RUNX1T1: variants seen among roughly 807,000 people sequenced by gnomAD.
RUNX1T1 encodes the protein RUNX1 partner transcriptional co-repressor 1.
Under a neutral mutation model 62.8 loss-of-function variants are expected in RUNX1T1, and 4 were observed. The ratio of observed to expected loss-of-function variants is 0.06; its 90% CI spans 0.03 to 0.15. RUNX1T1 has a LOEUF of 0.15. Ranked by LOEUF, RUNX1T1 falls within the 10% of genes least tolerant of loss-of-function variation. The pLI is 1.00. For synonymous variants in RUNX1T1, 291 were observed against 286.0 expected (o/e 1.02, Z -0.18); for missense variants, 508 against 754.3 (o/e 0.67, Z 3.82).
chr8:92,086,687 C>T (rs1836170801), intron 1 of RUNX1T1, among the ~76,000 whole-genome samples: 2 of 152,178 alleles, frequency 1.3e-5, no homozygotes, highest in South Asian at 2.1e-4. Flanking sequence ...AAACAAACAC[C>T]TGAAGTGAGT....
chr8:92,000,794 T>A (rs1298194024), intron 5 of RUNX1T1, among the ~76,000 whole-genome samples: 3 of 152,004 alleles, frequency 2.0e-5, no homozygotes, highest in African/African-American at 7.3e-5. Context: ...ATATAAAACC[T>A]CAGAATGTTA....
chr8:92,099,825 T>C (rs1837957126), upstream of RUNX1T1: 1 of 177,074 alleles, frequency 5.6e-6, no homozygotes, highest in South Asian at 1.9e-4. Context: ...GAAGCATTTC[T>C]TTCTTGTGAT....
At chr8:92,090,471 T>C (rs947015634) in intron 1 of RUNX1T1, among the ~76,000 whole-genome samples, 2 of 152,122 alleles carry the variant, frequency 1.3e-5, no homozygotes, top group Non-Finnish European at 2.9e-5. Flanking sequence ...TAAATCCTCA[T>C]GGCCTCAGTG....
chr8:92,020,441 A>G (rs1466197481), intron 1 of RUNX1T1, among the ~76,000 whole-genome samples: 1 of 152,200 alleles, frequency 6.6e-6, no homozygotes, highest in Non-Finnish European at 1.5e-5. Flanking sequence ...TTTTAAGTTC[A>G]TGGAAATTAT....
At chr8:92,051,606 T>G (rs1412106392) in intron 1 of RUNX1T1, among the ~76,000 whole-genome samples, 1 of 148,668 alleles carries the variant, frequency 6.7e-6, no homozygotes. Flanking sequence ...ACACACACTC[T>G]CTCTCTCTCT....
chr8:92,032,472 G>A (rs1826451550), intron 1 of RUNX1T1, among the ~76,000 whole-genome samples: 2 of 152,106 alleles, frequency 1.3e-5, no homozygotes, highest in African/African-American at 4.8e-5. Flanking sequence ...ACCATGATGA[G>A]CCAAGACCAA....
chr8:92,088,728 G>C (rs1016516065), intron 1 of RUNX1T1, among the ~76,000 whole-genome samples: 2 of 152,082 alleles, frequency 1.3e-5, no homozygotes, highest in Non-Finnish European at 2.9e-5. Flanking sequence ...CTCTCCTAGT[G>C]CTCTAATTAT....
intron 1 of RUNX1T1, among the ~76,000 whole-genome samples, chr8:92,078,353 T>G (rs1426629548): frequency 1.3e-5 from 2 of 152,158 alleles, no homozygotes; most frequent in African/African-American, 2.4e-5. Flanking sequence ...CAGGTATTTC[T>G]GAGACCTATT....
At chr8:92,099,225 A>G (rs1319634796) in intron 1 of RUNX1T1, among the ~76,000 whole-genome samples, 1 of 152,200 alleles carries the variant, frequency 6.6e-6, no homozygotes, top group Admixed American at 6.5e-5. Flanking sequence ...ATAGATTTTA[A>G]GTTGTTATTA....
upstream of RUNX1T1, chr8:92,063,090 G>T: frequency 2.4e-6 from 1 of 414,828 alleles, no homozygotes; most frequent in Non-Finnish European, 3.4e-6. Context: ...AGCCATAATT[G>T]GGAACTGTAT....
chr8:92,023,774 T>G (rs185013535), intron 1 of RUNX1T1, among the ~76,000 whole-genome samples: 7 of 152,332 alleles, frequency 4.6e-5, no homozygotes, highest in Admixed American at 3.9e-4. Context: ...TGCTGGAAAC[T>G]GCCATTCCCT....
chr8:91,978,485 C>T (rs538868211), intron 8 of RUNX1T1, among the ~76,000 whole-genome samples: 1 of 152,158 alleles, frequency 6.6e-6, no homozygotes, highest in Non-Finnish European at 1.5e-5. Flanking sequence ...TAAAGTTTAT[C>T]TTTTCTCTCA....
At chr8:91,977,698 T>C (rs565640821) in intron 8 of RUNX1T1, among the ~76,000 whole-genome samples, 23 of 152,372 alleles carry the variant, frequency 1.5e-4, no homozygotes, top group Admixed American at 1.4e-3. Context: ...TCTGTAAAGT[T>C]TGAAGAAAGA....
intron 8 of RUNX1T1, among the ~76,000 whole-genome samples, chr8:91,984,862 C>T (rs939746411): frequency 1.3e-5 from 2 of 152,036 alleles, no homozygotes; most frequent in African/African-American, 4.8e-5. Flanking sequence ...CTGACAAATA[C>T]AATTTTGTTT....
upstream of RUNX1T1, among the ~76,000 whole-genome samples, chr8:92,100,371 T>G (rs1339566421): frequency 6.6e-6 from 1 of 152,208 alleles, no homozygotes; most frequent in African/African-American, 2.4e-5. Flanking sequence ...ATGCAATATT[T>G]AGCTTTTCAA....
chr8:92,065,791 C>T (rs1832788244), upstream of RUNX1T1, among the ~76,000 whole-genome samples: 1 of 152,134 alleles, frequency 6.6e-6, no homozygotes, highest in Admixed American at 6.5e-5. Context: ...TGAGTTAAAG[C>T]CTTTCCACAG....
intron 5 of RUNX1T1, among the ~76,000 whole-genome samples, chr8:91,995,915 G>A (rs925836488): frequency 3.3e-5 from 5 of 152,218 alleles, no homozygotes; most frequent in Admixed American, 2.6e-4. Context: ...TTCAAAGCAT[G>A]TATGTTCAGA....
At chr8:91,982,555 C>G (rs1314111843) in intron 8 of RUNX1T1, among the ~76,000 whole-genome samples, 1 of 152,140 alleles carries the variant, frequency 6.6e-6, no homozygotes, top group Non-Finnish European at 1.5e-5. Context: ...CTTCAATGGT[C>G]AAATCTGTCA....
intron 1 of RUNX1T1, among the ~76,000 whole-genome samples, chr8:92,054,286 T>C (rs907327430): frequency 6.6e-6 from 1 of 152,066 alleles, no homozygotes; most frequent in Non-Finnish European, 1.5e-5. Flanking sequence ...ACCGCTGACA[T>C]AAAGATGAGG....
Sources: gnomAD v4.1 joint callset for allele counts (sites outside exome capture counted in the v4.1 genomes callset) on GRCh38, gnomAD v4.1.1 for gene constraint, MANE v1.5 for transcripts, NCBI Gene and HGNC (gene_info 2026-07-23, HGNC 2026-07-21) for gene names.